The following ANKRD55 variants were observed in gnomAD, a reference collection of about 807,000 sequenced individuals.
The protein encoded by ANKRD55 is ankyrin repeat domain 55, also known as ankyrin repeat domain-containing protein 55.
ANKRD55 carries 41 observed loss-of-function variants against 60.6 expected under a neutral mutation model. That is an observed-to-expected ratio of 0.68 (90% CI 0.53 to 0.88). The LOEUF (loss-of-function observed/expected upper bound fraction) is 0.88, where lower values mean the gene tolerates loss of function less well. Ranked by LOEUF, ANKRD55 falls within the 40% of genes least tolerant of loss-of-function variation. The pLI, the probability that ANKRD55 is intolerant of heterozygous loss-of-function variation, is 0.00. For missense variants in ANKRD55, 732 were observed against 767.6 expected (o/e 0.95, Z 0.55); for synonymous variants, 264 against 290.3 (o/e 0.91, Z 0.92).
intron 7 of ANKRD55, among the ~76,000 whole-genome samples, chr5:56,130,310 A>C (rs1036953505): frequency 6.6e-6 from 1 of 152,200 alleles, no homozygotes; most frequent in Non-Finnish European, 1.5e-5. Flanking sequence ...TAGGGAAGAA[A>C]AGTGTTCAAC....
At chr5:56,132,255 G>T (rs1475533577) in intron 7 of ANKRD55, among the ~76,000 whole-genome samples, 2 of 151,814 alleles carry the variant, frequency 1.3e-5, no homozygotes, top group African/African-American at 2.4e-5. Flanking sequence ...AATATGCTAA[G>T]AAAAGAGAGA....
At chr5:56,222,685 C>T (rs957766658) in intron 2 of ANKRD55, among the ~76,000 whole-genome samples, 1 of 152,174 alleles carries the variant, frequency 6.6e-6, no homozygotes, top group Non-Finnish European at 1.5e-5. Context: ...AAAACCAAGG[C>T]ACGAGAACTA....
chr5:56,115,211 T>TA (rs1561253316), intron 9 of ANKRD55, among the ~76,000 whole-genome samples: 11 of 42,486 alleles, frequency 2.6e-4, no homozygotes, highest in Non-Finnish European at 5.2e-4. Context: ...AAAATAATAA[T>TA]AATAATAAAT....
chr5:56,197,925 A>G (rs1412265917), intron 2 of ANKRD55, among the ~76,000 whole-genome samples: 2 of 152,176 alleles, frequency 1.3e-5, no homozygotes, highest in Non-Finnish European at 2.9e-5. Context: ...AGGCTGATGC[A>G]CTTTTGTACT....
In ANKRD55 at chr5:56,100,016, T is replaced by A; in HGVS notation, c.*167A>T. 1.1e-6 allele frequency: 1 copy of A among 870,714 alleles called. No homozygotes were observed. The highest frequency in any genetic ancestry group is 1.7e-5 in the South Asian group (1 of 59,622). The allele number at this position is 870,714 out of a possible 1,614,324, so 53.9% of individuals were successfully genotyped here. A position where few individuals can be genotyped will look rare whatever the true frequency, so the allele number is the denominator to read the frequency against. On this transcript the variant is annotated 3_prime_UTR_variant, in exon 12 of 12. Coordinates refer to ENST00000341048, the MANE Select transcript of ANKRD55 (RefSeq NM_024669.3). ...CACACCCAAATATTCTAAGTGCTTA[T>A]TTAGGGAGTATCTTTATTTGGAATA... is the stretch of plus-strand genomic sequence containing the variant.
At chr5:56,219,414 C>T (rs977221618) in intron 2 of ANKRD55, among the ~76,000 whole-genome samples, 5 of 152,156 alleles carry the variant, frequency 3.3e-5, no homozygotes, top group Non-Finnish European at 4.4e-5. Context: ...TTCTCTTCCT[C>T]CCTCAATATA....
intron 4 of ANKRD55, among the ~76,000 whole-genome samples, chr5:56,173,478 G>A (rs1162765420): frequency 2.0e-5 from 3 of 150,988 alleles, no homozygotes; most frequent in African/African-American, 4.9e-5. Flanking sequence ...GATTACAGGC[G>A]TGAGCCACCA....
At chr5:56,106,461 T>C (rs1756479294) in intron 10 of ANKRD55, among the ~76,000 whole-genome samples, 1 of 143,442 alleles carries the variant, frequency 7.0e-6, no homozygotes, top group South Asian at 2.2e-4. Context: ...AGTCTTGCTC[T>C]GTCGCCCAGG....
chr5:56,104,293 T>G (rs1283324082), intron 10 of ANKRD55, among the ~76,000 whole-genome samples: 4 of 152,154 alleles, frequency 2.6e-5, no homozygotes, highest in African/African-American at 9.7e-5. Flanking sequence ...ACCTTGTGAC[T>G]TGGAGGAGTT....
intron 2 of ANKRD55, among the ~76,000 whole-genome samples, chr5:56,185,738 A>G (rs915732405): frequency 6.6e-6 from 1 of 151,904 alleles, no homozygotes; most frequent in Non-Finnish European, 1.5e-5. Context: ...TGTGGATATT[A>G]TGTCAAAGAT....
At position 56,111,256 on chromosome 5, in the gene ANKRD55, A is replaced by G; in HGVS notation, c.1492T>C (p.Ser498Pro). Residue 498 changes from serine to proline, a missense_variant, in exon 10 of 12, where the codon TCT becomes CCT. Ser to Pro is a moderately conservative substitution (Grantham distance 74, BLOSUM62 -1). Around this residue, in one of 3 missense-constraint regions of ANKRD55, gnomAD observed 597 missense variants for 607.5 expected, o/e 0.98. Transcript: ENST00000341048. ...MLLDNPWKSD[S>P]NQVFSYKVWT... is the part of the protein sequence containing the mutation. ...ACTTTGTAGGAAAATACCTGATTAG[A>G]ATCACTCTTCCAGGGGTTATCTAGT... 2 of 1,613,794 alleles carry G rather than the reference A, an allele frequency of 1.2e-6. No individual in the cohort carries two copies. The highest frequency in any genetic ancestry group is 1.7e-6 in the Non-Finnish European group (2 of 1,179,652).
chr5:56,157,787 A>G (rs1328733537), intron 6 of ANKRD55, among the ~76,000 whole-genome samples: 3 of 152,150 alleles, frequency 2.0e-5, no homozygotes, highest in Admixed American at 6.5e-5. Flanking sequence ...ATAATGATCA[A>G]TAAATACTGA....
intron 6 of ANKRD55, among the ~76,000 whole-genome samples, chr5:56,155,040 T>C (rs1219049566): frequency 6.6e-6 from 1 of 152,008 alleles, no homozygotes; most frequent in Non-Finnish European, 1.5e-5. Flanking sequence ...TAGACCAGTC[T>C]GGGCAACATA....
At chr5:56,220,716 G>T (rs149940119) in intron 2 of ANKRD55, among the ~76,000 whole-genome samples, 103 of 152,284 alleles carry the variant, frequency 6.8e-4, no homozygotes, top group African/African-American at 2.4e-3. Flanking sequence ...AGGAGGCTGA[G>T]GCAGGAGAAC....
intron 7 of ANKRD55, among the ~76,000 whole-genome samples, chr5:56,135,312 T>TTTCGTTCG (rs1386830760): frequency 1.7e-4 from 2 of 12,068 alleles, no homozygotes; most frequent in African/African-American, 1.2e-3. Flanking sequence ...TCTTTCTTTC[T>TTTCGTTCG]TTCTTTCTTT....
intron 3 of ANKRD55, among the ~76,000 whole-genome samples, chr5:56,181,206 C>A (rs985807954): frequency 6.6e-6 from 1 of 152,136 alleles, no homozygotes; most frequent in African/African-American, 2.4e-5. Context: ...TTTTTATTTC[C>A]TTTTCTTGCC....
At chr5:56,132,820 T>C (rs1307056385) in intron 7 of ANKRD55, among the ~76,000 whole-genome samples, 2 of 152,050 alleles carry the variant, frequency 1.3e-5, no homozygotes, top group Admixed American at 6.6e-5. Context: ...GAATGAGTGG[T>C]GAAAGATTTA....
At chr5:56,165,965 G>C (rs1758438332) in intron 5 of ANKRD55, among the ~76,000 whole-genome samples, 1 of 152,074 alleles carries the variant, frequency 6.6e-6, no homozygotes, top group Admixed American at 6.5e-5. Context: ...AGGGGAAGCT[G>C]AGCCTTGACA....
intron 2 of ANKRD55, among the ~76,000 whole-genome samples, chr5:56,223,792 C>G (rs142091832): frequency 4.6e-5 from 7 of 152,224 alleles, no homozygotes; most frequent in African/African-American, 1.7e-4. Flanking sequence ...AAGAGCTATC[C>G]TAAATATATA....
Sources: gnomAD v4.1 joint callset for allele counts (sites outside exome capture counted in the v4.1 genomes callset) on GRCh38, gnomAD v4.1.1 for gene constraint, gnomAD v4.1.1 regional missense constraint, MANE v1.5 for transcripts, NCBI Gene and HGNC (gene_info 2026-07-23, HGNC 2026-07-21) for gene names.